ART1: variants seen among roughly 807,000 people sequenced by gnomAD.
ART1 encodes ADP-ribosyltransferase 1.
Under a neutral mutation model 27.0 loss-of-function variants are expected in ART1, and 29 were observed. The ratio of observed to expected loss-of-function variants is 1.08; its 90% CI spans 0.80 to 1.47. ART1 has a LOEUF of 1.47. Ranked by LOEUF, ART1 falls within the 40% of genes most tolerant of loss-of-function variation. The probability of loss-of-function intolerance (pLI) is 0.00; values close to 1 mark genes in which losing one functional copy is unlikely to be tolerated. For missense variants in ART1, 480 were observed against 423.0 expected, an observed-to-expected ratio of 1.13 and a Z score of -1.18; for synonymous variants, 201 against 172.2, an observed-to-expected ratio of 1.17 and a Z score of -1.31.
At chr11:3,664,002 T>C in intron 4 of ART1, 90 bp from the exon 5 acceptor site, 3 of 1,210,864 alleles carry the variant, frequency 2.5e-6, no homozygotes, top group Non-Finnish European at 3.5e-6. Context: ...CCACCTTGTA[T>C]CTGCATGTCC....
intron 4 of ART1, among the ~76,000 whole-genome samples, chr11:3,662,496 C>G (rs188550100): frequency 2.0e-4 from 30 of 152,346 alleles, no homozygotes; most frequent in African/African-American, 7.0e-4. Flanking sequence ...CCTCACCACA[C>G]CCCAGTGGTA....
chr11:3,658,862 C>T lies in ART1; in HGVS notation c.-52-300C>T, dbSNP rs116975435. ...TTTCTCTCTTTACATCCTCAGTTCC[C>T]ACCTCCAATACCTTTGCTTTTTCCA... On this transcript the variant is annotated intron_variant, in intron 1 of 4. Coordinates refer to ENST00000250693, the MANE Select transcript of ART1 (RefSeq NM_004314.3). Among the ~76,000 whole-genome samples, 771 of 152,294 alleles carry T rather than the reference C, an allele frequency of 5.1e-3. 3 individuals are homozygous for T. Among genetic ancestry groups the T allele is most frequent in the Non-Finnish European group, 7.8e-3 (530 of 68,010 alleles).
intron 1 of ART1, among the ~76,000 whole-genome samples, chr11:3,656,298 C>T (rs1233976137): frequency 6.6e-6 from 1 of 152,298 alleles, no homozygotes; most frequent in South Asian, 2.1e-4. Context: ...ATCCTCCTAC[C>T]TTCAGCCTGC....
intron 1 of ART1, among the ~76,000 whole-genome samples, chr11:3,651,910 G>T (rs377576028): frequency 4.6e-5 from 7 of 150,624 alleles, no homozygotes; most frequent in Admixed American, 6.6e-5. Context: ...GATCACGCTT[G>T]ATTTATTGAT....
chr11:3,656,358 AT>A (rs2077574378), intron 1 of ART1, among the ~76,000 whole-genome samples: 2 of 77,920 alleles, frequency 2.6e-5, no homozygotes, highest in Non-Finnish European at 6.2e-5. Flanking sequence ...AGCCTGGCTT[AT>A]TTATTTATTT....
intron 4 of ART1, chr11:3,663,702 AC>A: frequency 6.0e-6 from 1 of 166,664 alleles, no homozygotes; most frequent in South Asian, 1.5e-4. Context: ...CGATCCTCCC[AC>A]CTCAGCCTCC....
At chr11:3,649,277 G>T (rs998964980) in intron 1 of ART1, among the ~76,000 whole-genome samples, 2 of 152,132 alleles carry the variant, frequency 1.3e-5, no homozygotes, top group South Asian at 2.1e-4. Context: ...CTTCTGCAAG[G>T]CTGCTTGACC....
At chr11:3,652,599 C>A (rs760913199) in intron 1 of ART1, among the ~76,000 whole-genome samples, 2 of 152,160 alleles carry the variant, frequency 1.3e-5, no homozygotes, top group Non-Finnish European at 2.9e-5. Flanking sequence ...TATAGACGCT[C>A]CTTTTTATTA....
In ART1 at chr11:3,660,016, G is replaced by A. The variant is rs1166215756; in HGVS notation, c.497G>A (p.Gly166Asp). Residue 166 changes from glycine to aspartate, a missense_variant, in exon 3 of 5, where the codon GGC (glycine) becomes GAC (aspartate). Transcript: ENST00000250693. ...FLLTEALQLL[G>D]SGQRPPRCHQ... ...CTGACTGAGGCCCTGCAGCTCCTGGGCAGCGGCCAGCGTCCACCCCGGTGC... is the reference window on the plus strand; with the variant it reads ...CTGACTGAGGCCCTGCAGCTCCTGGACAGCGGCCAGCGTCCACCCCGGTGC... 3.1e-6 allele frequency: 5 copies of A among 1,613,874 alleles called. No individual in the cohort carries two copies. Among genetic ancestry groups the A allele is most frequent in the Middle Eastern group, 1.6e-4 (1 of 6,062 alleles).
Position 3,657,343 on chromosome 11 carries a change from G to C in ART1, c.-52-1819G>C, listed in dbSNP as rs541007432. 7.9e-5 allele frequency among the ~76,000 whole-genome samples: 12 copies of C among 152,304 alleles called. No homozygotes were observed. In the East Asian group the frequency reaches 2.1e-3, roughly 27 times the overall value. On this transcript the variant is annotated intron_variant, in intron 1 of 4. Coordinates refer to ENST00000250693, the MANE Select transcript of ART1 (RefSeq NM_004314.3). ...TAATCCCAGCACTTTGGGAGGCCAA[G>C]GTGGGTAGAATGCTTGAGCCCAGGA... is the stretch of plus-strand genomic sequence containing the variant.
At chr11:3,664,060 T>C (rs1564787352) in intron 4 of ART1, 32 bp from the exon 5 acceptor site, 6 of 1,606,000 alleles carry the variant, frequency 3.7e-6, no homozygotes, top group African/African-American at 2.7e-5. Context: ...TCTCTCTCTC[T>C]CCCCCAACCT....
chr11:3,645,533 C>T lies in ART1; in HGVS notation c.-53+354C>T, dbSNP rs191588530. Among the ~76,000 whole-genome samples, 857 of 152,306 alleles carry T rather than the reference C, an allele frequency of 5.6e-3. 6 individuals are homozygous for T. Among genetic ancestry groups the T allele is most frequent in the Non-Finnish European group, 0.01 (696 of 68,024 alleles). ...TGGGCCCATGCCCACCCCATCCCTC[C>T]GGTTCCCACCACATCTCCCCTGACA... is the stretch of plus-strand genomic sequence containing the variant. On this transcript the variant is annotated intron_variant, in intron 1 of 4. Transcript: ENST00000250693.
At chr11:3,653,723 T>A (rs569211515) in intron 1 of ART1, among the ~76,000 whole-genome samples, 1 of 152,152 alleles carries the variant, frequency 6.6e-6, no homozygotes, top group Admixed American at 6.5e-5. Flanking sequence ...GTGTCATCCT[T>A]GATTTTTCCC....
chr11:3,661,490 CTTTT>C lies in ART1; in HGVS notation c.886+95_886+98del, dbSNP rs530856927. ...CTGGGGTTGGCCCCATCACCTCGAT[CTTTT>C]TTTTTTTTTTTTTTTTTGAGACAGA... On this transcript the variant is annotated intron_variant, in intron 4 of 4. Coordinates refer to ENST00000250693, the MANE Select transcript of ART1 (RefSeq NM_004314.3). 7.5e-3 allele frequency: 2,385 copies of C among 318,740 alleles called. 1 individual carries two copies. Among genetic ancestry groups the C allele is most frequent in the Middle Eastern group, 0.018 (20 of 1,094 alleles). 19.7% of individuals were successfully genotyped at this position (318,740 alleles called of 1,614,324 possible).
chr11:3,661,432 T>C lies in ART1; in HGVS notation c.886+19T>C. The C allele has an allele frequency of 1.9e-6, 3 of 1,603,840 alleles. No individual in the cohort carries two copies. Among genetic ancestry groups the C allele is most frequent in the Non-Finnish European group, 2.6e-6 (3 of 1,175,236 alleles). ...AATTCAGGTAAGGGCTGCAGGCACC[T>C]GTGGGACTCAGTTCAGGGATGAGCA... On this transcript the variant is annotated intron_variant, in intron 4 of 4. Transcript: ENST00000250693.
chr11:3,645,788 C>A (rs2077466170), intron 1 of ART1, among the ~76,000 whole-genome samples: 1 of 152,184 alleles, frequency 6.6e-6, no homozygotes, highest in South Asian at 2.1e-4. Flanking sequence ...AGGGTGATAC[C>A]AGAGCCCAGA....
intron 1 of ART1, among the ~76,000 whole-genome samples, chr11:3,646,537 T>C (rs934702734): frequency 2.6e-5 from 4 of 152,082 alleles, no homozygotes; most frequent in African/African-American, 7.2e-5. Context: ...ATCACAAGGA[T>C]ACCAGGGTAT....
At chr11:3,647,698 C>T (rs2077480593) in intron 1 of ART1, among the ~76,000 whole-genome samples, 1 of 151,830 alleles carries the variant, frequency 6.6e-6, no homozygotes. Context: ...TACACAGAAA[C>T]TTGGAAGTGA....
chr11:3,663,739 GC>G (rs1346070607), intron 4 of ART1: 2 of 210,662 alleles, frequency 9.5e-6, no homozygotes, highest in African/African-American at 4.7e-5. Context: ...ACAGATATAT[GC>G]CACTACGCCT....
Sources: gnomAD v4.1 joint callset for allele counts (sites outside exome capture counted in the v4.1 genomes callset) on GRCh38, gnomAD v4.1.1 for gene constraint, MANE v1.5 for transcripts, NCBI Gene and HGNC (gene_info 2026-07-23, HGNC 2026-07-21) for gene names.